The following RASGEF1A variants were observed in gnomAD, a reference collection of about 807,000 sequenced individuals.
The protein encoded by RASGEF1A is ras-GEF domain-containing family member 1A.
In RASGEF1A, 18 loss-of-function variants were observed where a neutral mutation model predicts 56.4. The ratio of observed to expected loss-of-function variants is 0.32; its 90% CI spans 0.22 to 0.47. RASGEF1A has a LOEUF of 0.47. RASGEF1A is among the 20% of genes least tolerant of loss of function. The probability of loss-of-function intolerance (pLI) is 1.00; values close to 1 mark genes in which losing one functional copy is unlikely to be tolerated. For missense variants in RASGEF1A, 422 were observed against 627.1 expected (o/e 0.67, Z 3.49); for synonymous variants, 245 against 242.6 (o/e 1.01, Z -0.09).
rs957757976 is a variant in RASGEF1A, at chr10:43,196,685, G to A, written c.1349-137C>T. 29 of 849,154 alleles carry A rather than the reference G, an allele frequency of 3.4e-5. 1 individual carries two copies. Among genetic ancestry groups the A allele is most frequent in the African/African-American group, 1.5e-4 (9 of 59,518 alleles). 52.6% of individuals were successfully genotyped at this position (849,154 alleles called of 1,614,324 possible). ...GGCTGAACACAGTTCTCTGCTGTGC[G>A]GGGCTCTCAGGCTGCCTGTTGGGGA... On this transcript the variant is annotated intron_variant, in intron 11 of 12. Transcript: ENST00000395810. The surrounding 1 kb of genome is among the most constrained non-coding windows in gnomAD (Gnocchi z 4.6).
chr10:43,196,271 A>G lies in RASGEF1A; in HGVS notation c.1422-3T>C. On this transcript the variant is annotated splice_polypyrimidine_tract_variant and splice_region_variant and intron_variant, in intron 12 of 12. Transcript: ENST00000395810. The surrounding 1 kb of genome is among the most constrained non-coding windows in gnomAD (Gnocchi z 4.6). ...AGGCTCTGTTCAGAAGGGTGGTCCTAGAGGGGGACAGGACAAGCAGTGCTC... is the reference window on the plus strand; with the variant it reads ...AGGCTCTGTTCAGAAGGGTGGTCCTGGAGGGGGACAGGACAAGCAGTGCTC... 6.2e-7 allele frequency: 1 copy of G among 1,613,530 alleles called. No individual in the cohort carries two copies.
At chr10:43,198,270 G>A in intron 9 of RASGEF1A, 75 bp from the exon 10 acceptor site, 1 of 1,325,072 alleles carries the variant, frequency 7.5e-7, no homozygotes, top group Non-Finnish European at 1.0e-6. Flanking sequence ...CCCCTCTGCA[G>A]AGCAGGAGGC....
At chr10:43,205,836 T>G in intron 2 of RASGEF1A, 83 bp downstream of exon 2, 1 of 1,172,864 alleles carries the variant, frequency 8.5e-7, no homozygotes, top group Non-Finnish European at 1.2e-6. Flanking sequence ...TACCACTCTG[T>G]GGGGGCCTCC....
At position 43,197,942 on chromosome 10, in the gene RASGEF1A, C is replaced by G. The variant is rs541823273; in HGVS notation, c.1224+62G>C. The G allele has an allele frequency of 4.0e-5, 58 of 1,447,384 alleles. No homozygotes were observed. The African/African-American group carries it at 8.0e-4, about 20-fold the overall frequency. The allele number at this position is 1,447,384 out of a possible 1,614,324, so 89.7% of individuals were successfully genotyped here. On this transcript the variant is annotated intron_variant, in intron 10 of 12. Coordinates refer to ENST00000395810, the MANE Select transcript of RASGEF1A (RefSeq NM_145313.4). ...ACAGATCCCGACCCAGGGCTAATGC[C>G]TGGCGGCTCCAGTAGCTCAGACAGT...
chr10:43,204,049 C>G (rs1414268507), intron 2 of RASGEF1A, among the ~76,000 whole-genome samples: 2 of 152,048 alleles, frequency 1.3e-5, no homozygotes. Flanking sequence ...CTCCATACCA[C>G]ATCCACGTGC....
intron 1 of RASGEF1A, among the ~76,000 whole-genome samples, chr10:43,227,903 C>A (rs185717921): frequency 2.9e-4 from 44 of 152,274 alleles, no homozygotes; most frequent in Non-Finnish European, 1.0e-4. Context: ...CTTCAGAATA[C>A]CCCCAGAATC....
intron 3 of RASGEF1A, chr10:43,202,756 G>A: frequency 2.2e-6 from 1 of 454,236 alleles, no homozygotes; most frequent in Non-Finnish European, 4.5e-6. Flanking sequence ...CCCACCACCC[G>A]CTCCCACCAC....
intron 2 of RASGEF1A, among the ~76,000 whole-genome samples, chr10:43,204,337 G>C (rs1435203741): frequency 6.6e-6 from 1 of 152,130 alleles, no homozygotes; most frequent in Non-Finnish European, 1.5e-5. Flanking sequence ...AGGCCTCCTG[G>C]AGCAGGACTC....
intron 1 of RASGEF1A, among the ~76,000 whole-genome samples, chr10:43,237,186 C>T (rs1840441250): frequency 6.6e-6 from 1 of 151,980 alleles, no homozygotes; most frequent in South Asian, 2.1e-4. Context: ...CCAGTGTGGC[C>T]TTGTGAGGGG....
rs570599145 is a variant in RASGEF1A at position 43,209,067 on chromosome 10, C to T, written c.-6-2945G>A. The T allele has an allele frequency of 9.5e-5, 94 of 985,428 alleles. No homozygotes were observed. In the African/African-American group the frequency reaches 1.4e-3, roughly 15 times the overall value. The allele number at this position is 985,428 out of a possible 1,614,324, so 61.0% of individuals were successfully genotyped here. On this transcript the variant is annotated intron_variant, in intron 1 of 12. Transcript: ENST00000395810. Reference sequence around the variant, plus strand: ...GCCCCAACAGCAGGGGCAGGCACTTCGACAGGCAGCTGCAAACCTGTGTAT... The same window carrying T: ...GCCCCAACAGCAGGGGCAGGCACTTTGACAGGCAGCTGCAAACCTGTGTAT...
At chr10:43,209,811 C>T (rs992543942) in intron 1 of RASGEF1A, among the ~76,000 whole-genome samples, 5 of 152,142 alleles carry the variant, frequency 3.3e-5, no homozygotes, top group African/African-American at 1.2e-4. Flanking sequence ...CCACCCTGAC[C>T]CCAGAGAGCC....
chr10:43,249,731 A>G (rs887542154), intron 1 of RASGEF1A, among the ~76,000 whole-genome samples: 3 of 152,162 alleles, frequency 2.0e-5, no homozygotes, highest in Admixed American at 6.5e-5. Flanking sequence ...TGTCCCTCAG[A>G]AGGAGCCAGC....
rs769205848 is a variant in RASGEF1A at position 43,196,206 on chromosome 10, T to G, written c.*38A>C. ...TCAGTCAAAATTTAAACCCAGTTAGTGCACGTGCTTCCTCTGGCGTCGCGG... is the reference window on the plus strand; with the variant it reads ...TCAGTCAAAATTTAAACCCAGTTAGGGCACGTGCTTCCTCTGGCGTCGCGG... On this transcript the variant is annotated 3_prime_UTR_variant, in exon 13 of 13. Coordinates refer to ENST00000395810, the MANE Select transcript of RASGEF1A (RefSeq NM_145313.4). The surrounding 1 kb of genome is among the most constrained non-coding windows in gnomAD (Gnocchi z 4.6). The G allele has an allele frequency of 6.2e-7, 1 of 1,608,700 alleles. No individual in the cohort carries two copies. Among genetic ancestry groups the G allele is most frequent in the Non-Finnish European group, 8.5e-7 (1 of 1,176,334 alleles).
intron 1 of RASGEF1A, among the ~76,000 whole-genome samples, chr10:43,210,410 G>C (rs1027785279): frequency 6.6e-6 from 1 of 152,158 alleles, no homozygotes; most frequent in Admixed American, 6.5e-5. Flanking sequence ...GGAGGTTGAG[G>C]CTGCAGTGAG....
intron 6 of RASGEF1A, 144 bp downstream of exon 6, chr10:43,200,038 C>T: frequency 1.4e-6 from 1 of 690,538 alleles, no homozygotes; most frequent in Middle Eastern, 4.0e-4. Flanking sequence ...CTAGGAGGTC[C>T]AGTGCCACAT....
chr10:43,237,435 TC>T (rs1564539530), intron 1 of RASGEF1A, among the ~76,000 whole-genome samples: 1 of 83,008 alleles, frequency 1.2e-5, no homozygotes, highest in African/African-American at 4.5e-5. Flanking sequence ...ACTCCCACTC[TC>T]CCCCTCCTCC....
At chr10:43,252,817 G>A (rs1394780855) in intron 1 of RASGEF1A, among the ~76,000 whole-genome samples, 2 of 151,910 alleles carry the variant, frequency 1.3e-5, no homozygotes, top group Non-Finnish European at 1.5e-5. Flanking sequence ...GGCTCGCGGC[G>A]GGAGGCAGCA....
At chr10:43,236,381 G>A (rs146371154) in intron 1 of RASGEF1A, among the ~76,000 whole-genome samples, 278 of 152,332 alleles carry the variant, frequency 1.8e-3, no homozygotes, top group African/African-American at 6.1e-3. Flanking sequence ...GCAGGTGTGC[G>A]TATGCACATG....
At chr10:43,236,244 TC>T (rs1267432184) in intron 1 of RASGEF1A, among the ~76,000 whole-genome samples, 1 of 152,146 alleles carries the variant, frequency 6.6e-6, no homozygotes, top group African/African-American at 2.4e-5. Context: ...ACAGCAGGTA[TC>T]CCCAAGCACC....
Sources: allele counts gnomAD v4.1 joint callset (sites outside exome capture counted in the v4.1 genomes callset), GRCh38; gene constraint gnomAD v4.1.1; non-coding constraint Gnocchi (gnomAD v3.1); transcripts MANE v1.5; gene names NCBI Gene and HGNC (gene_info 2026-07-23, HGNC 2026-07-21).